Variants in ARAP2 observed in about 807,000 individuals in gnomAD.
ARAP2 encodes arf-GAP with Rho-GAP domain, ANK repeat and PH domain-containing protein 2.
A neutral mutation model predicts 194.5 loss-of-function variants in ARAP2; 148 were observed. The ratio of observed to expected loss-of-function variants is 0.76; its 90% confidence interval spans 0.67 to 0.87. ARAP2 has a LOEUF of 0.87. Among genes scored for constraint, ARAP2 ranks in the 40% least tolerant of loss-of-function variants. The pLI, the probability that ARAP2 is intolerant of heterozygous loss-of-function variation, is 0.00. For missense variants in ARAP2, 2,128 were observed against 1,989.7 expected (o/e 1.07, Z -1.32); for synonymous variants, 695 against 683.5 (o/e 1.02, Z -0.26).
chr4:36,037,053 T>C (rs1248551240), intron 5 of ARAP2, among the ~76,000 whole-genome samples: 1 of 152,176 alleles, frequency 6.6e-6, no homozygotes, highest in East Asian at 1.9e-4. Context: ...TAATTCTTCA[T>C]ACAGCATGGT....
At chr4:36,152,655 C>T (rs1487280025) in intron 15 of ARAP2, among the ~76,000 whole-genome samples, 3 of 138,550 alleles carry the variant, frequency 2.2e-5, no homozygotes, top group African/African-American at 8.5e-5. Flanking sequence ...GGTAAGCCCC[C>T]CCACCATACT....
At chr4:36,006,955 G>T (rs1042775713) in exon 10 of ARAP2, 1 of 152,108 alleles carries the variant, frequency 6.6e-6, no homozygotes, top group African/African-American at 2.4e-5. Context: ...GGCTGAGGTG[G>T]ATGAGTAGCT....
At chr4:36,144,735 T>C (rs1294833056) in intron 19 of ARAP2, among the ~76,000 whole-genome samples, 3 of 151,878 alleles carry the variant, frequency 2.0e-5, no homozygotes, top group African/African-American at 7.2e-5. Flanking sequence ...CTTATTTAGC[T>C]ATATTTTTAT....
intron 8 of ARAP2, among the ~76,000 whole-genome samples, chr4:36,178,639 T>C (rs911034184): frequency 3.8e-4 from 58 of 152,136 alleles, no homozygotes; most frequent in African/African-American, 1.2e-3. Flanking sequence ...GTTACAGGCA[T>C]AGGAATTCGA....
rs867355936 is a variant in ARAP2, at chr4:36,136,931, C to T, written c.3264-3542G>A. On this transcript the variant is annotated intron_variant, in intron 19 of 32. Coordinates refer to ENST00000303965, the MANE Select transcript of ARAP2 (RefSeq NM_015230.4). The stretch of plus-strand genomic sequence containing the variant: ...ATGGACACACACATACACGCGCGCG[C>T]GCACACACACACACACACACACACA... Among the ~76,000 whole-genome samples the T allele has an allele frequency of 1.3e-3, 36 of 27,446 alleles. 1 individual carries two copies. The highest frequency in any genetic ancestry group is 7.5e-3 in the African/African-American group (33 of 4,422). The allele number at this position is 27,446 out of a possible 152,430, so 18.0% of individuals were successfully genotyped here. A position where few individuals can be genotyped will look rare whatever the true frequency, so the allele number is the denominator to read the frequency against.
intron 1 of ARAP2, among the ~76,000 whole-genome samples, chr4:36,236,597 A>G (rs911037750): frequency 6.6e-6 from 1 of 152,234 alleles, no homozygotes; most frequent in African/African-American, 2.4e-5. Flanking sequence ...GCTTAAAAAT[A>G]TAGATTTACA....
intron 28 of ARAP2, among the ~76,000 whole-genome samples, chr4:36,084,745 C>G (rs537964421): frequency 4.0e-5 from 6 of 151,850 alleles, no homozygotes; most frequent in Non-Finnish European, 8.8e-5. Context: ...GAAAAGTAAC[C>G]AGGAAGATGA....
chr4:36,161,453 A>G lies in ARAP2; in HGVS notation c.2259+12T>C. ...CCCTATCACAACCCCATTCAGGTTA[A>G]ATAGGACTCACCTCGATGAGTTCAT... On this transcript the variant is annotated intron_variant, in intron 12 of 32. Transcript: ENST00000303965. 6.2e-7 allele frequency: 1 copy of G among 1,609,292 alleles called. No individual in the cohort carries two copies. The highest frequency in any genetic ancestry group is 8.5e-7 in the Non-Finnish European group (1 of 1,175,700).
intron 10 of ARAP2, among the ~76,000 whole-genome samples, chr4:36,166,397 A>G (rs945124643): frequency 1.3e-5 from 2 of 152,078 alleles, no homozygotes; most frequent in African/African-American, 4.8e-5. Context: ...ATAATGATGC[A>G]ATTAGTAGAA....
chr4:36,099,947 C>G (rs1379370608), intron 27 of ARAP2, among the ~76,000 whole-genome samples: 1 of 152,068 alleles, frequency 6.6e-6, no homozygotes, highest in Non-Finnish European at 1.5e-5. Flanking sequence ...ACAGAAACAA[C>G]TACCCTTACA....
chr4:36,017,050 T>C (rs973974443), intron 6 of ARAP2, among the ~76,000 whole-genome samples: 4 of 151,986 alleles, frequency 2.6e-5, no homozygotes, highest in African/African-American at 4.8e-5. Flanking sequence ...CATATGCTAT[T>C]TGAAATTGCA....
At chr4:36,041,600 C>T (rs1258053112) in intron 5 of ARAP2, among the ~76,000 whole-genome samples, 1 of 152,058 alleles carries the variant, frequency 6.6e-6, no homozygotes, top group Non-Finnish European at 1.5e-5. Flanking sequence ...ATTAGTTCAA[C>T]CATTGCAGAA....
chr4:36,164,994 C>T lies in ARAP2; in HGVS notation c.2093G>A (p.Arg698Lys). 9 of 1,614,124 alleles carry T rather than the reference C, an allele frequency of 5.6e-6. No individual in the cohort carries two copies. Among genetic ancestry groups the T allele is most frequent in the Non-Finnish European group, 6.8e-6 (8 of 1,179,962 alleles). Residue 698 changes from arginine to lysine, a missense_variant, in exon 11 of 33, where the codon AGG (arginine) becomes AAG (lysine). Arg to Lys is a conservative substitution (Grantham distance 26, BLOSUM62 2). Transcript: ENST00000303965. ...TGGGGCTTTACAATCTGCACAGCTC[C>T]TGTTGGATTCATTGAACCAAATCTT... ...AEKIWFNESN[R>K]SCADCKAPDP...
intron 5 of ARAP2, among the ~76,000 whole-genome samples, chr4:36,035,984 G>C (rs1395550494): frequency 3.3e-5 from 5 of 151,990 alleles, no homozygotes; most frequent in African/African-American, 9.7e-5. Context: ...TGTGACATTG[G>C]TTTGTTATTT....
At chr4:36,018,251 A>G (rs890151252) in intron 6 of ARAP2, among the ~76,000 whole-genome samples, 1 of 152,120 alleles carries the variant, frequency 6.6e-6, no homozygotes, top group African/African-American at 2.4e-5. Context: ...GAGTTTCAAG[A>G]GTTGGAATGG....
chr4:36,034,944 T>G (rs192647185), intron 5 of ARAP2, among the ~76,000 whole-genome samples: 36 of 152,186 alleles, frequency 2.4e-4, no homozygotes, highest in African/African-American at 7.7e-4. Context: ...GCCTATTCAA[T>G]TGTGGTAAAT....
At chr4:36,048,581 A>G (rs1027443486) in intron 3 of ARAP2, among the ~76,000 whole-genome samples, 2 of 152,258 alleles carry the variant, frequency 1.3e-5, no homozygotes, top group Middle Eastern at 3.4e-3. Context: ...ATATACATGA[A>G]TCATATTTGC....
chr4:36,127,456 G>C lies in ARAP2; in HGVS notation c.3640+1077C>G, dbSNP rs187466111. 1.3e-3 allele frequency among the ~76,000 whole-genome samples: 199 copies of C among 152,058 alleles called. 1 individual carries two copies. The highest frequency in any genetic ancestry group is 1.7e-3 in the Non-Finnish European group (114 of 67,934). Reference sequence around the variant, plus strand: ...ATACTACTTTTGCTGACACTAACTAGGGTCATTCTTGGGATAATTTTCAAA... The same window carrying C: ...ATACTACTTTTGCTGACACTAACTACGGTCATTCTTGGGATAATTTTCAAA... On this transcript the variant is annotated intron_variant, in intron 21 of 32. Coordinates refer to ENST00000303965, the MANE Select transcript of ARAP2 (RefSeq NM_015230.4).
intron 1 of ARAP2, among the ~76,000 whole-genome samples, chr4:36,233,602 A>G (rs1209812176): frequency 6.6e-6 from 1 of 152,028 alleles, no homozygotes; most frequent in Non-Finnish European, 1.5e-5. Context: ...CACCTCCTCC[A>G]CTTTCTAGCA....
Sources: allele counts gnomAD v4.1 joint callset (sites outside exome capture counted in the v4.1 genomes callset), GRCh38; gene constraint gnomAD v4.1.1; transcripts MANE v1.5; gene names NCBI Gene and HGNC (gene_info 2026-07-23, HGNC 2026-07-21).